The following DAB1 variants were observed in gnomAD, a reference collection of about 807,000 sequenced individuals.
DAB1 encodes the protein disabled homolog 1.
Under a neutral mutation model 64.6 loss-of-function variants are expected in DAB1, and 15 were observed. That is an observed-to-expected ratio of 0.23 (90% CI 0.16 to 0.36). The LOEUF (loss-of-function observed/expected upper bound fraction) is 0.36, where lower values mean the gene tolerates loss of function less well. Among genes scored for constraint, DAB1 ranks in the 10% least tolerant of loss-of-function variants. The probability of loss-of-function intolerance (pLI) is 1.00; values close to 1 mark genes in which losing one functional copy is unlikely to be tolerated. For missense variants in DAB1, 596 were observed against 706.7 expected, an observed-to-expected ratio of 0.84 and a Z score of 1.78; for synonymous variants, 235 against 251.9, an observed-to-expected ratio of 0.93 and a Z score of 0.64.
At chr1:58,396,447 G>C (rs1224692008) in intron 3 of DAB1, among the ~76,000 whole-genome samples, 1 of 151,934 alleles carries the variant, frequency 6.6e-6, no homozygotes, top group Non-Finnish European at 1.5e-5. Context: ...CCTCTTCCCA[G>C]AGGCAGGAGA....
rs78929145 is a variant in DAB1, at chr1:57,383,358, A to G, written c.-137+40572T>C. ...TCAGGTTGGGGTATTTTGGCCCACA[A>G]TGAATCAGACTTTGTAGCATAATGA... On this transcript the variant is annotated intron_variant, in intron 1 of 14. Coordinates refer to ENST00000371236, the MANE Select transcript of DAB1 (RefSeq NM_001365792.1). Among the ~76,000 whole-genome samples the G allele has an allele frequency of 7.9e-5, 12 of 152,292 alleles. No individual in the cohort carries two copies. The East Asian group carries it at 1.5e-3, about 20-fold the overall frequency.
intron 4 of DAB1, among the ~76,000 whole-genome samples, chr1:58,264,599 C>T (rs1283580505): frequency 6.6e-6 from 1 of 152,196 alleles, no homozygotes; most frequent in African/African-American, 2.4e-5. Flanking sequence ...GTGTCTTCAA[C>T]ACATGACTTC....
At chr1:57,128,984 C>G (rs1657395891) in intron 4 of DAB1, among the ~76,000 whole-genome samples, 1 of 152,240 alleles carries the variant, frequency 6.6e-6, no homozygotes, top group Admixed American at 6.5e-5. Flanking sequence ...GTTGCTTAAC[C>G]CCTTGGGTCT....
At chr1:57,568,264 C>G (rs1255088940) in intron 7 of DAB1, among the ~76,000 whole-genome samples, 3 of 152,148 alleles carry the variant, frequency 2.0e-5, no homozygotes, top group Non-Finnish European at 4.4e-5. Context: ...ACACCTTATA[C>G]AAAAATTAAT....
intron 2 of DAB1, among the ~76,000 whole-genome samples, chr1:57,158,360 G>A (rs2100873401): frequency 6.6e-6 from 1 of 152,252 alleles, no homozygotes; most frequent in Non-Finnish European, 1.5e-5. Flanking sequence ...AGAACAGGAT[G>A]TTCCTTCCCG....
chr1:57,397,382 C>T (rs897515687), intron 1 of DAB1, among the ~76,000 whole-genome samples: 5 of 152,092 alleles, frequency 3.3e-5, no homozygotes, highest in Non-Finnish European at 7.4e-5. Context: ...TAAATATTTC[C>T]ACTTGCTTCT....
At chr1:57,328,459 C>T (rs1405182409) in intron 1 of DAB1, among the ~76,000 whole-genome samples, 1 of 152,140 alleles carries the variant, frequency 6.6e-6, no homozygotes, top group Non-Finnish European at 1.5e-5. Context: ...TCCTAGCTAA[C>T]AGGTACTTGA....
At chr1:57,431,514 G>C (rs1685515819) in intron 7 of DAB1, among the ~76,000 whole-genome samples, 1 of 152,122 alleles carries the variant, frequency 6.6e-6, no homozygotes, top group Non-Finnish European at 1.5e-5. Flanking sequence ...CTTCTTTCAT[G>C]ATACCGGCCT....
At chr1:58,514,119 T>C (rs1187344098) in intron 2 of DAB1, among the ~76,000 whole-genome samples, 1 of 152,190 alleles carries the variant, frequency 6.6e-6, no homozygotes, top group Non-Finnish European at 1.5e-5. Flanking sequence ...TGGAGGCCTA[T>C]GGTAATTGCA....
chr1:57,326,342 A>C (rs1676155296), intron 1 of DAB1, among the ~76,000 whole-genome samples: 1 of 152,222 alleles, frequency 6.6e-6, no homozygotes, highest in African/African-American at 2.4e-5. Flanking sequence ...AAAAGAGGGC[A>C]AACCATGACT....
intron 7 of DAB1, among the ~76,000 whole-genome samples, chr1:57,569,385 C>T (rs1645165778): frequency 1.3e-5 from 2 of 151,702 alleles, no homozygotes; most frequent in Non-Finnish European, 2.9e-5. Flanking sequence ...GGCACATATA[C>T]ACCATGGAAT....
chr1:58,091,229 C>A (rs981889666), intron 5 of DAB1, among the ~76,000 whole-genome samples: 1 of 152,142 alleles, frequency 6.6e-6, no homozygotes, highest in Non-Finnish European at 1.5e-5. Flanking sequence ...TTATTTATTA[C>A]CCTTTTGGAT....
chr1:57,146,558 G>T (rs1659158492), intron 2 of DAB1, among the ~76,000 whole-genome samples: 2 of 152,134 alleles, frequency 1.3e-5, no homozygotes, highest in Admixed American at 6.5e-5. Flanking sequence ...ATATTGTGGG[G>T]TTGAGAATTA....
intron 3 of DAB1, among the ~76,000 whole-genome samples, chr1:58,363,366 C>CAGATT (rs1644185012): frequency 6.6e-6 from 1 of 152,180 alleles, no homozygotes; most frequent in Non-Finnish European, 1.5e-5. Context: ...TTTTACCTGT[C>CAGATT]AGATTATCCT....
At chr1:57,457,722 G>A (rs1269565701) in intron 7 of DAB1, among the ~76,000 whole-genome samples, 1 of 152,086 alleles carries the variant, frequency 6.6e-6, no homozygotes, top group Non-Finnish European at 1.5e-5. Flanking sequence ...GTGATGAAGA[G>A]CAGAGATGTG....
At chr1:57,460,659 A>G (rs1242476655) in intron 7 of DAB1, among the ~76,000 whole-genome samples, 1 of 152,116 alleles carries the variant, frequency 6.6e-6, no homozygotes, top group Non-Finnish European at 1.5e-5. Flanking sequence ...GCAGGGGAGG[A>G]GTAGAGACAC....
At position 58,526,919 on chromosome 1, in the gene DAB1, A is replaced by C. The variant is rs79049047; in HGVS notation, n.107+342T>G. Among the ~76,000 whole-genome samples the C allele has an allele frequency of 3.7e-3, 557 of 152,246 alleles. 4 individuals carry two copies. The highest frequency in any genetic ancestry group is 0.013 in the African/African-American group (534 of 41,574). ...CATAACCAAATGTTTTAAAATTTCA[A>C]TTTGTATGTTTCATGTCTATGATCA... On this transcript the variant is annotated intron_variant and non_coding_transcript_variant, in intron 2 of 20. Transcript: ENST00000485760.
intron 4 of DAB1, among the ~76,000 whole-genome samples, chr1:58,246,846 G>A (rs1000821738): frequency 6.6e-6 from 1 of 152,038 alleles, no homozygotes; most frequent in African/African-American, 2.4e-5. Flanking sequence ...GTGTGTGAAG[G>A]TGTGTGTGTA....
chr1:58,296,191 GAAAGAGAAAGAAAGAA>G (rs1243797064), intron 4 of DAB1, among the ~76,000 whole-genome samples: 1 of 112,626 alleles, frequency 8.9e-6, no homozygotes, highest in African/African-American at 3.3e-5. Flanking sequence ...GAAAGAGAAA[GAAAGAGAAAGAAAGAA>G]AGAAAGAAAG....
Sources: gnomAD v4.1 joint callset for allele counts (sites outside exome capture counted in the v4.1 genomes callset) on GRCh38, gnomAD v4.1.1 for gene constraint, MANE v1.5 for transcripts, NCBI Gene and HGNC (gene_info 2026-07-23, HGNC 2026-07-21) for gene names.